The following PPM1F variants were observed in gnomAD, a reference collection of about 807,000 sequenced individuals.
The protein encoded by PPM1F is protein phosphatase 1F.
Under a neutral mutation model 35.5 loss-of-function variants are expected in PPM1F, and 17 were observed. The ratio of observed to expected loss-of-function variants is 0.48; its 90% CI spans 0.33 to 0.72. The LOEUF is 0.72. Ranked by LOEUF, PPM1F falls within the 30% of genes least tolerant of loss-of-function variation. The probability of loss-of-function intolerance (pLI) is 0.02; values close to 1 mark genes in which losing one functional copy is unlikely to be tolerated. For synonymous variants in PPM1F, 241 were observed against 255.5 expected (o/e 0.94, Z 0.54); for missense variants, 521 against 613.0 (o/e 0.85, Z 1.59).
chr22:21,941,246 G>A (rs1472677638), intron 2 of PPM1F: 1 of 152,372 alleles, frequency 6.6e-6, no homozygotes, highest in African/African-American at 2.4e-5. Flanking sequence ...GACATGGCAT[G>A]ATCAGATGGG....
At chr22:21,944,525 G>A (rs2070758143) in intron 2 of PPM1F, 1 of 152,224 alleles carries the variant, frequency 6.6e-6, no homozygotes, top group Non-Finnish European at 1.5e-5. Context: ...GCCTGTCATG[G>A]CTTCAGGTGA....
Position 21,923,153 on chromosome 22 carries a change from C to T in PPM1F, c.1304G>A (p.Arg435Lys), listed in dbSNP as rs2070466993. 2.5e-6 allele frequency: 4 copies of T among 1,613,664 alleles called. No homozygotes were observed. The highest frequency in any genetic ancestry group is 3.4e-6 in the Non-Finnish European group (4 of 1,179,950). ...AAGGCTGGAGGGCAAGTCCTGCCTCCTCCCTTCTGCCTGGGGGTCCCCTTC... is the reference window on the plus strand; with the variant it reads ...AAGGCTGGAGGGCAAGTCCTGCCTCTTCCCTTCTGCCTGGGGGTCCCCTTC... ...QGEGDPQAEG[R>K]RQDLPSSLPE... Residue 435 changes from arginine (R) to lysine (K), a missense_variant, in exon 8 of 8, where the codon AGG becomes AAG. By Grantham distance (26) the Arg-to-Lys change is conservative. Around this residue, in one of 3 missense-constraint regions of PPM1F, gnomAD observed 163 missense variants for 169.6 expected, o/e 0.96. Coordinates refer to ENST00000263212, the MANE Select transcript of PPM1F (RefSeq NM_014634.4).
intron 3 of PPM1F, chr22:21,938,079 C>G: frequency 1.6e-6 from 2 of 1,282,058 alleles, no homozygotes; most frequent in Non-Finnish European, 2.0e-6. Flanking sequence ...GCGAGGCACT[C>G]TGACAGACGG....
intron 2 of PPM1F, among the ~76,000 whole-genome samples, chr22:21,940,288 C>T (rs1017663487): frequency 2.0e-5 from 3 of 152,118 alleles, no homozygotes; most frequent in African/African-American, 7.2e-5. Context: ...GCCTGGCCAA[C>T]ATGGTAAAAC....
intron 1 of PPM1F, chr22:21,952,309 G>A (rs974813120): frequency 5.3e-5 from 8 of 152,306 alleles, no homozygotes; most frequent in African/African-American, 1.9e-4. Context: ...GGGAGGCCGC[G>A]GAGCCGGGGG....
At chr22:21,938,357 C>A in intron 3 of PPM1F, 5 of 1,182,164 alleles carry the variant, frequency 4.2e-6, no homozygotes, top group Non-Finnish European at 5.3e-6. Flanking sequence ...GAACAATGGC[C>A]GCCTGTCACT....
intron 5 of PPM1F, 123 bp from the exon 6 acceptor site, chr22:21,931,414 G>C: frequency 1.1e-6 from 1 of 926,512 alleles, no homozygotes; most frequent in Admixed American, 2.8e-5. Flanking sequence ...GAATCCACAG[G>C]TGTATATGTG....
Position 21,934,193 on chromosome 22 carries a change from A to T in PPM1F, c.389T>A (p.Phe130Tyr). ...GCCGGCGACTTCCCAAAGGCGGTTA[A>T]AGAAACTCTGTGCCAGGCTTTGGGC... The part of the protein sequence containing the change: ...LDAQSLAQSF[F>Y]NRLWEVAGQW... The change falls in exon 4 of 8, where the codon TTT becomes TAT. Residue 130 changes from phenylalanine (F) to tyrosine (Y), a missense_variant. Transcript: ENST00000263212. 2 of 1,577,136 alleles carry T rather than the reference A, an allele frequency of 1.3e-6. No individual in the cohort carries two copies.
Position 21,931,148 on chromosome 22 carries a change from C to T in PPM1F, c.891G>A (p.Gln297=). 6.2e-7 allele frequency: 1 copy of T among 1,614,124 alleles called. No homozygotes were observed. The highest frequency in any genetic ancestry group is 8.5e-7 in the Non-Finnish European group (1 of 1,179,970). The change falls in exon 6 of 8, where the codon CAG becomes CAA. Residue 297 remains glutamine (Q), a splice_region_variant and synonymous_variant. Coordinates refer to ENST00000263212, the MANE Select transcript of PPM1F (RefSeq NM_014634.4). ...GGCCTGGGCGCAGGGATCCCCTTAC[C>T]TGCCGTTCTGGTCTGTGTGGCTCCA... ...KLMEPHRPER[Q]DEKARIEALG...
intron 3 of PPM1F, chr22:21,937,952 TAATAC>T: frequency 1.8e-6 from 1 of 566,182 alleles, no homozygotes; most frequent in South Asian, 1.9e-5. Context: ...GCAATTCTTA[TAATAC>T]AATCCCCACT....
chr22:21,931,382 A>G (rs2070588379), intron 5 of PPM1F, 91 bp from the exon 6 acceptor site: 14 of 1,270,840 alleles, frequency 1.1e-5, no homozygotes, highest in Admixed American at 2.1e-5. Flanking sequence ...GGGGTGATGA[A>G]TACTTCCGTT....
chr22:21,945,907 C>T lies in PPM1F; in HGVS notation c.142G>A (p.Val48Met), dbSNP rs2070772215. Residue 48 changes from valine to methionine, a missense_variant, in exon 2 of 8, where the codon GTG (valine) becomes ATG (methionine). Coordinates refer to ENST00000263212, the MANE Select transcript of PPM1F (RefSeq NM_014634.4). ...CCCTCCACCTCCTCCTGGCTGAGCA[C>T]CGTCCCTGGGGCCTTCCATGGCAGA... The part of the protein sequence containing the change: ...DPLPWKAPGT[V>M]LSQEEVEGEL... The T allele has an allele frequency of 6.2e-7, 1 of 1,613,034 alleles. No homozygotes were observed.
chr22:21,923,505 C>T (rs376103841), intron 7 of PPM1F, 34 bp from the exon 8 acceptor site: 1 of 1,558,676 alleles, frequency 6.4e-7, no homozygotes. Context: ...GGTCAGAGGA[C>T]CACGGTGTCC....
chr22:21,924,165 G>C (rs1431166448), intron 7 of PPM1F, among the ~76,000 whole-genome samples: 1 of 152,132 alleles, frequency 6.6e-6, no homozygotes, highest in Non-Finnish European at 1.5e-5. Context: ...GCTGGGGAGG[G>C]AGAGATTTTC....
At chr22:21,947,778 T>A (rs2070791925) in intron 1 of PPM1F, 1 of 152,166 alleles carries the variant, frequency 6.6e-6, no homozygotes, top group Admixed American at 6.5e-5. Flanking sequence ...AAGTAAGAGA[T>A]GCAGGGAGCT....
Position 21,920,558 on chromosome 22 carries a change from C to T in PPM1F, c.*2534G>A, listed in dbSNP as rs2070435804. On this transcript the variant is annotated 3_prime_UTR_variant, in exon 8 of 8. Coordinates refer to ENST00000263212, the MANE Select transcript of PPM1F (RefSeq NM_014634.4). ...GGGGTGGACGAGGGCTCCCTCGGCCCCAAGGCAAGGGCGGAGCAGCTCCCA... is the reference window on the plus strand; with the variant it reads ...GGGGTGGACGAGGGCTCCCTCGGCCTCAAGGCAAGGGCGGAGCAGCTCCCA... 6.6e-6 allele frequency: 1 copy of T among 152,430 alleles called. No individual in the cohort carries two copies. The highest frequency in any genetic ancestry group is 2.4e-5 in the African/African-American group (1 of 41,444). The allele number at this position is 152,430 out of a possible 1,614,324, so 9.4% of individuals were successfully genotyped here. A position where few individuals can be genotyped will look rare whatever the true frequency, so the allele number is the denominator to read the frequency against.
chr22:21,940,035 C>T (rs909568074), intron 2 of PPM1F, among the ~76,000 whole-genome samples: 2 of 152,132 alleles, frequency 1.3e-5, no homozygotes, highest in South Asian at 2.1e-4. Context: ...TTGTGTCCCC[C>T]CTAAATTCAT....
intron 7 of PPM1F, chr22:21,925,253 TA>T (rs565463842): frequency 3.2e-4 from 132 of 411,510 alleles, no homozygotes; most frequent in African/African-American, 2.5e-3. Context: ...GGGAGGAGGA[TA>T]AACCTCATTT....
At chr22:21,925,987 A>T (rs2070509891) in intron 6 of PPM1F, 1 of 305,534 alleles carries the variant, frequency 3.3e-6, no homozygotes. Flanking sequence ...CACAGACAGC[A>T]GATCCTTCTG....
Sources: gnomAD v4.1 joint callset for allele counts (sites outside exome capture counted in the v4.1 genomes callset) on GRCh38, gnomAD v4.1.1 for gene constraint, gnomAD v4.1.1 regional missense constraint, MANE v1.5 for transcripts, NCBI Gene and HGNC (gene_info 2026-07-23, HGNC 2026-07-21) for gene names.